The following KCTD16 variants were observed in gnomAD, a reference collection of about 807,000 sequenced individuals.
The protein encoded by KCTD16 is BTB/POZ domain-containing protein KCTD16.
KCTD16 carries 13 observed loss-of-function variants against 33.2 expected under a neutral mutation model. The ratio of observed to expected loss-of-function variants is 0.39; its 90% CI spans 0.25 to 0.62. KCTD16 has a LOEUF of 0.62. Ranked by LOEUF, KCTD16 falls within the 20% of genes least tolerant of loss-of-function variation. The pLI is 0.50. For synonymous variants in KCTD16, 197 were observed against 195.3 expected (o/e 1.01, Z -0.07); for missense variants, 441 against 525.1 (o/e 0.84, Z 1.57).
intron 3 of KCTD16, among the ~76,000 whole-genome samples, chr5:144,382,727 G>C (rs554989240): frequency 7.6e-4 from 116 of 152,300 alleles, no homozygotes; most frequent in African/African-American, 2.7e-3. Context: ...AGGAGGTGAA[G>C]TTTTTATTTA....
chr5:144,190,707 T>C (rs7443379), intron 2 of KCTD16, among the ~76,000 whole-genome samples: 32,944 of 152,068 alleles, frequency 0.22, 3,781 homozygotes, highest in East Asian at 0.41. Flanking sequence ...CCCAGTAACA[T>C]AGTAATTAAT....
At chr5:144,380,089 C>T (rs1752177898) in intron 3 of KCTD16, among the ~76,000 whole-genome samples, 1 of 152,012 alleles carries the variant, frequency 6.6e-6, no homozygotes, top group Non-Finnish European at 1.5e-5. Flanking sequence ...ACCTAGAAAA[C>T]CCCATAGTCT....
At chr5:144,333,272 A>G (rs1234116733) in intron 3 of KCTD16, among the ~76,000 whole-genome samples, 1 of 152,194 alleles carries the variant, frequency 6.6e-6, no homozygotes, top group African/African-American at 2.4e-5. Context: ...ATTCTATAGC[A>G]TTGTAATCAC....
At chr5:144,417,318 G>C (rs1753080287) in intron 3 of KCTD16, among the ~76,000 whole-genome samples, 1 of 151,970 alleles carries the variant, frequency 6.6e-6, no homozygotes, top group Non-Finnish European at 1.5e-5. Flanking sequence ...TATATTAGTG[G>C]ATATCAAATG....
intron 3 of KCTD16, among the ~76,000 whole-genome samples, chr5:144,466,270 G>A (rs1754330460): frequency 7.5e-6 from 1 of 133,300 alleles, no homozygotes; most frequent in Admixed American, 7.9e-5. Context: ...AGCTAATTAA[G>A]TGCACACTTC....
At position 144,479,340 on chromosome 5, in the gene KCTD16, C is replaced by T. The variant is rs1458228290; in HGVS notation, c.*5226C>T. Reference sequence around the variant, plus strand: ...CCTGACATTAACTAAAAACTTGAAGCCAAACTGATGTGTAAGAATAAATGC... The same window carrying T: ...CCTGACATTAACTAAAAACTTGAAGTCAAACTGATGTGTAAGAATAAATGC... On this transcript the variant is annotated 3_prime_UTR_variant, in exon 4 of 4. Coordinates refer to ENST00000512467, the MANE Select transcript of KCTD16 (RefSeq NM_020768.4). 1 of 141,590 alleles carries T rather than the reference C, an allele frequency of 7.1e-6. No homozygotes were observed. The highest frequency in any genetic ancestry group is 2.6e-5 in the African/African-American group (1 of 38,774). 8.8% of individuals were successfully genotyped at this position (141,590 alleles called of 1,614,324 possible). A position where few individuals can be genotyped will look rare whatever the true frequency, so the allele number is the denominator to read the frequency against.
At chr5:144,325,167 T>C (rs1752173268) in intron 3 of KCTD16, among the ~76,000 whole-genome samples, 1 of 152,070 alleles carries the variant, frequency 6.6e-6, no homozygotes, top group Non-Finnish European at 1.5e-5. Flanking sequence ...CCTCTGATTA[T>C]TTGGACAAAA....
chr5:144,259,943 A>G (rs1055560055), intron 3 of KCTD16, among the ~76,000 whole-genome samples: 2 of 152,206 alleles, frequency 1.3e-5, no homozygotes, highest in African/African-American at 4.8e-5. Context: ...CATAATGTTC[A>G]ATACTCTATT....
intron 3 of KCTD16, among the ~76,000 whole-genome samples, chr5:144,308,380 T>C (rs1244280127): frequency 6.6e-6 from 1 of 152,246 alleles, no homozygotes; most frequent in Non-Finnish European, 1.5e-5. Flanking sequence ...CCTTGAGCTT[T>C]ATTTTCGTTG....
intron 3 of KCTD16, among the ~76,000 whole-genome samples, chr5:144,342,821 C>T (rs1332471633): frequency 6.6e-6 from 1 of 152,180 alleles, no homozygotes; most frequent in Non-Finnish European, 1.5e-5. Flanking sequence ...GTCTTTTCTG[C>T]ATCTATTGAG....
intron 3 of KCTD16, among the ~76,000 whole-genome samples, chr5:144,343,812 T>A (rs546437334): frequency 6.6e-6 from 1 of 152,216 alleles, no homozygotes; most frequent in Non-Finnish European, 1.5e-5. Flanking sequence ...AGAACATCTT[T>A]ATTTCTGCCT....
Position 144,316,053 on chromosome 5 carries a change from G to A in KCTD16, c.832+108507G>A, listed in dbSNP as rs139377580. On this transcript the variant is annotated intron_variant, in intron 3 of 3. Transcript: ENST00000512467. ...TTCTAAAACAATTAATTTCGTTTTC[G>A]TAGGAACAACTCTTTTTGTTCTTAT... is the stretch of plus-strand genomic sequence containing the variant. Among the ~76,000 whole-genome samples the A allele has an allele frequency of 3.3e-3, 488 of 149,164 alleles. 7 individuals are homozygous for A. Among genetic ancestry groups the A allele is most frequent in the Middle Eastern group, 7.0e-3 (2 of 286 alleles).
chr5:144,353,206 A>G (rs1014289360), intron 3 of KCTD16, among the ~76,000 whole-genome samples: 3 of 152,200 alleles, frequency 2.0e-5, no homozygotes, highest in Non-Finnish European at 2.9e-5. Flanking sequence ...TTTCCTTTTG[A>G]GAAATCTTAC....
At chr5:144,313,384 T>G (rs771634073) in intron 3 of KCTD16, among the ~76,000 whole-genome samples, 1 of 152,196 alleles carries the variant, frequency 6.6e-6, no homozygotes, top group African/African-American at 2.4e-5. Flanking sequence ...ACTTTATAGA[T>G]GAGCACTTTC....
At chr5:144,420,397 A>C (rs1469677457) in intron 3 of KCTD16, among the ~76,000 whole-genome samples, 2 of 152,154 alleles carry the variant, frequency 1.3e-5, no homozygotes, top group East Asian at 3.9e-4. Context: ...CTAGAACTTA[A>C]AGTATAATAA....
Position 144,473,757 on chromosome 5 carries a change from C to T in KCTD16, c.930C>T (p.Leu310=). The T allele has an allele frequency of 6.2e-7, 1 of 1,614,100 alleles. No homozygotes were observed. The highest frequency in any genetic ancestry group is 8.5e-7 in the Non-Finnish European group (1 of 1,179,996). ...AGAGCGGCACGTCTTGCAATGACCT[C>T]TCCACATCTAGCTGCGACAGCCAGT... is the stretch of plus-strand genomic sequence containing the variant. ...EGESGTSCND[L]STSSCDSQSE... The change falls in exon 4 of 4, where the codon CTC becomes CTT. Residue 310 remains leucine, a synonymous_variant. Coordinates refer to ENST00000512467, the MANE Select transcript of KCTD16 (RefSeq NM_020768.4).
chr5:144,468,197 A>G (rs1436876470), intron 3 of KCTD16, among the ~76,000 whole-genome samples: 1 of 152,154 alleles, frequency 6.6e-6, no homozygotes, highest in Non-Finnish European at 1.5e-5. Flanking sequence ...TTAGGTTCTA[A>G]TAACTGCATT....
Position 144,347,782 on chromosome 5 carries a change from A to G in KCTD16, c.833-125878A>G, listed in dbSNP as rs533000250. ...GCCCACATCGAGGCTGAAGGCTTCTACTTTGGGATGGCAAACTTTCTCATC... is the reference window on the plus strand; with the variant it reads ...GCCCACATCGAGGCTGAAGGCTTCTGCTTTGGGATGGCAAACTTTCTCATC... On this transcript the variant is annotated intron_variant, in intron 3 of 3. Transcript: ENST00000512467. Among the ~76,000 whole-genome samples, 4 of 152,126 alleles carry G rather than the reference A, an allele frequency of 2.6e-5. No individual in the cohort carries two copies. The South Asian group carries it at 8.3e-4, about 32-fold the overall frequency.
At chr5:144,377,429 A>C (rs1752118363) in intron 3 of KCTD16, among the ~76,000 whole-genome samples, 1 of 152,192 alleles carries the variant, frequency 6.6e-6, no homozygotes, top group South Asian at 2.1e-4. Context: ...CAGATCTGAT[A>C]TTCAACAGAA....
Sources: gnomAD v4.1 joint callset for allele counts (sites outside exome capture counted in the v4.1 genomes callset) on GRCh38, gnomAD v4.1.1 for gene constraint, MANE v1.5 for transcripts, NCBI Gene and HGNC (gene_info 2026-07-23, HGNC 2026-07-21) for gene names.